BRINP1: variants seen among roughly 807,000 people sequenced by gnomAD.
BRINP1 encodes BMP/retinoic acid-inducible neural-specific protein 1.
Under a neutral mutation model 72.9 loss-of-function variants are expected in BRINP1, and 17 were observed. The observed-to-expected ratio is 0.23, with a 90% confidence interval of 0.16 to 0.35. The LOEUF is 0.35. Among genes scored for constraint, BRINP1 ranks in the 10% least tolerant of loss-of-function variants. The probability of loss-of-function intolerance (pLI) is 1.00; values close to 1 mark genes in which losing one functional copy is unlikely to be tolerated. For missense variants in BRINP1, 850 were observed against 1,001.6 expected, an observed-to-expected ratio of 0.85 and a Z score of 2.04; for synonymous variants, 418 against 378.5, an observed-to-expected ratio of 1.10 and a Z score of -1.21.
At chr9:119,258,154 TTTACTC>T (rs1305005860) in intron 2 of BRINP1, among the ~76,000 whole-genome samples, 1 of 152,196 alleles carries the variant, frequency 6.6e-6, no homozygotes, top group Non-Finnish European at 1.5e-5. Context: ...TAATGATAGT[TTTACTC>T]TTATGCCAGC....
intron 1 of BRINP1, among the ~76,000 whole-genome samples, chr9:119,336,851 G>T (rs1831350704): frequency 6.6e-6 from 1 of 152,114 alleles, no homozygotes. Context: ...GAAAATATGA[G>T]AATGAAAGAG....
intron 2 of BRINP1, among the ~76,000 whole-genome samples, chr9:119,275,805 T>C (rs1447740370): frequency 6.6e-6 from 1 of 152,192 alleles, no homozygotes; most frequent in Non-Finnish European, 1.5e-5. Context: ...TGGTATATGA[T>C]ACAGGCATAT....
At chr9:119,253,726 T>G (rs1449173461) in intron 2 of BRINP1, among the ~76,000 whole-genome samples, 2 of 149,976 alleles carry the variant, frequency 1.3e-5, no homozygotes, top group African/African-American at 2.5e-5. Flanking sequence ...AAAATGGAGG[T>G]GAAAGAGAGG....
chr9:119,233,015 G>GTCCT (rs2118900585), intron 5 of BRINP1, among the ~76,000 whole-genome samples: 1 of 120,704 alleles, frequency 8.3e-6, no homozygotes, highest in South Asian at 3.0e-4. Context: ...CTCCAATCCT[G>GTCCT]TTCTTTCTTT....
At position 119,168,233 on chromosome 9, in the gene BRINP1, T is replaced by TAAAGGA. The variant is rs749027562; in HGVS notation, c.1146-15_1146-10dup. 1 of 1,491,898 alleles carries TAAAGGA rather than the reference T, an allele frequency of 6.7e-7. No individual in the cohort carries two copies. The highest frequency in any genetic ancestry group is 8.9e-7 in the Non-Finnish European group (1 of 1,123,876). 92.4% of individuals were successfully genotyped at this position (1,491,898 alleles called of 1,614,324 possible). On this transcript the variant is annotated splice_polypyrimidine_tract_variant and intron_variant, in intron 7 of 7. Coordinates refer to ENST00000265922, the MANE Select transcript of BRINP1 (RefSeq NM_014618.3). ...GCCACTGCTGAATTGTCCTGGGAGA[T>TAAAGGA]AAAGGAAAATTGGAGAAGGTTAGCT...
intron 7 of BRINP1, among the ~76,000 whole-genome samples, chr9:119,173,638 C>T (rs1829445374): frequency 6.7e-6 from 1 of 149,696 alleles, no homozygotes; most frequent in Non-Finnish European, 1.5e-5. Context: ...TTGGAAAAAA[C>T]TACTTTAAAG....
chr9:119,260,222 G>A (rs1830483502), intron 2 of BRINP1, among the ~76,000 whole-genome samples: 1 of 152,128 alleles, frequency 6.6e-6, no homozygotes, highest in Admixed American at 6.5e-5. Flanking sequence ...CCAAACTATA[G>A]GCCAAAGACC....
At position 119,333,281 on chromosome 9, in the gene BRINP1, C is replaced by T. The variant is rs1383161325; in HGVS notation, c.-50-19876G>A. Among the ~76,000 whole-genome samples the T allele has an allele frequency of 3.3e-5, 5 of 151,516 alleles. No homozygotes were observed. In the East Asian group the frequency reaches 9.7e-4, roughly 30 times the overall value. ...TTTGAGACCAGCCTGGGCAACATGG[C>T]AAAACCCTATCTCTACCAAAAATAC... is the stretch of plus-strand genomic sequence containing the variant. On this transcript the variant is annotated intron_variant, in intron 1 of 7. Transcript: ENST00000265922.
At chr9:119,221,708 A>T (rs1287875995) in intron 5 of BRINP1, among the ~76,000 whole-genome samples, 1 of 152,178 alleles carries the variant, frequency 6.6e-6, no homozygotes, top group African/African-American at 2.4e-5. Context: ...AAATAAAATC[A>T]TCTGCTCTGC....
At chr9:119,289,686 C>A (rs1830802811) in intron 2 of BRINP1, among the ~76,000 whole-genome samples, 1 of 152,202 alleles carries the variant, frequency 6.6e-6, no homozygotes, top group African/African-American at 2.4e-5. Flanking sequence ...GCATTTTAAG[C>A]ATACTGCCTG....
intron 7 of BRINP1, among the ~76,000 whole-genome samples, chr9:119,168,664 A>AGCAATGAAAAAG: frequency 2.6e-5 from 4 of 152,244 alleles, no homozygotes; most frequent in East Asian, 1.9e-4. Flanking sequence ...CACATGTTTC[A>AGCAATGAAAAAG]ACCCCCATTA....
At chr9:119,366,213 A>G (rs542985426) in intron 1 of BRINP1, among the ~76,000 whole-genome samples, 1 of 152,222 alleles carries the variant, frequency 6.6e-6, no homozygotes, top group African/African-American at 2.4e-5. Context: ...GTGTGCTTGC[A>G]TATGCTTCTG....
chr9:119,202,545 C>G (rs1384681714), intron 7 of BRINP1, among the ~76,000 whole-genome samples: 1 of 152,142 alleles, frequency 6.6e-6, no homozygotes, highest in East Asian at 1.9e-4. Context: ...TGAGACCAAA[C>G]TTAAAGTCCA....
chr9:119,310,351 C>T (rs191692350), intron 2 of BRINP1, among the ~76,000 whole-genome samples: 9 of 152,280 alleles, frequency 5.9e-5, no homozygotes, highest in Non-Finnish European at 1.2e-4. Context: ...AGAGCATTTA[C>T]GTCATGCCCT....
chr9:119,249,267 A>G, intron 2 of BRINP1, 117 bp from the exon 3 acceptor site: 1 of 885,130 alleles, frequency 1.1e-6, no homozygotes, highest in Non-Finnish European at 1.7e-6. Flanking sequence ...TACAATTTTA[A>G]TATGTGTCAA....
At chr9:119,211,857 G>A (rs1317074558) in intron 6 of BRINP1, among the ~76,000 whole-genome samples, 5 of 152,158 alleles carry the variant, frequency 3.3e-5, no homozygotes, top group African/African-American at 9.6e-5. Context: ...TTCTTGGCCT[G>A]TTCAGCTTAT....
chr9:119,206,997 G>T (rs945749239), intron 7 of BRINP1, among the ~76,000 whole-genome samples: 1 of 152,228 alleles, frequency 6.6e-6, no homozygotes, highest in Admixed American at 6.5e-5. Context: ...ATGCAAAGCA[G>T]TGGGCTCAAA....
chr9:119,296,404 T>C (rs1830878180), intron 2 of BRINP1, among the ~76,000 whole-genome samples: 1 of 152,176 alleles, frequency 6.6e-6, no homozygotes, highest in South Asian at 2.1e-4. Flanking sequence ...TTAGCAAGAA[T>C]GTGGATGGGA....
At chr9:119,179,561 C>G (rs1829529447) in intron 7 of BRINP1, among the ~76,000 whole-genome samples, 1 of 151,938 alleles carries the variant, frequency 6.6e-6, no homozygotes, top group Non-Finnish European at 1.5e-5. Context: ...TTGCTGAGGT[C>G]AAAAAAATCA....
Sources: allele counts gnomAD v4.1 joint callset (sites outside exome capture counted in the v4.1 genomes callset), GRCh38; gene constraint gnomAD v4.1.1; transcripts MANE v1.5; gene names NCBI Gene and HGNC (gene_info 2026-07-23, HGNC 2026-07-21).